Variants in PSMB7 observed in about 807,000 individuals in gnomAD.
PSMB7 encodes proteasome 20S subunit beta 7.
A neutral mutation model predicts 28.1 loss-of-function variants in PSMB7; 5 were observed. The observed-to-expected ratio is 0.18, with a 90% confidence interval of 0.09 to 0.37. The LOEUF (loss-of-function observed/expected upper bound fraction) is 0.37, where lower values mean the gene tolerates loss of function less well. Ranked by LOEUF, PSMB7 falls within the 10% of genes least tolerant of loss-of-function variation. PSMB7 has a pLI of 1.00. For missense variants in PSMB7, 275 were observed against 346.2 expected (o/e 0.79, Z 1.63); for synonymous variants, 122 against 123.7 (o/e 0.99, Z 0.09).
chr9:124,387,890 A>T (rs951259240), intron 5 of PSMB7, among the ~76,000 whole-genome samples: 1 of 140,600 alleles, frequency 7.1e-6, no homozygotes, highest in Non-Finnish European at 1.6e-5. Flanking sequence ...TTGGCCATTT[A>T]AAAAAAAAAA....
intron 5 of PSMB7, among the ~76,000 whole-genome samples, chr9:124,403,928 G>A (rs901357452): frequency 2.2e-5 from 3 of 134,392 alleles, no homozygotes; most frequent in African/African-American, 8.4e-5. Context: ...GTCTCACTCT[G>A]TTGCCCAAGA....
intron 6 of PSMB7, among the ~76,000 whole-genome samples, chr9:124,360,437 C>T (rs748014483): frequency 6.6e-6 from 1 of 152,236 alleles, no homozygotes; most frequent in Admixed American, 6.5e-5. Context: ...AAGGGCTCTG[C>T]AGAGCCCATG....
At chr9:124,390,473 A>T (rs1830772998) in intron 5 of PSMB7, among the ~76,000 whole-genome samples, 1 of 152,240 alleles carries the variant, frequency 6.6e-6, no homozygotes, top group Admixed American at 6.5e-5. Context: ...GAGCCAGGGA[A>T]AATAAACAAT....
intron 7 of PSMB7, among the ~76,000 whole-genome samples, 158 bp from the exon 8 acceptor site, chr9:124,353,867 T>A (rs1830364689): frequency 6.6e-6 from 1 of 152,186 alleles, no homozygotes; most frequent in Non-Finnish European, 1.5e-5. Flanking sequence ...GGATTCAACT[T>A]CCTCAGTTCT....
chr9:124,369,916 C>T (rs1830545046), intron 6 of PSMB7, among the ~76,000 whole-genome samples: 1 of 152,228 alleles, frequency 6.6e-6, no homozygotes, highest in African/African-American at 2.4e-5. Flanking sequence ...CCGTTCTCGA[C>T]TTTTCATGAC....
chr9:124,362,518 T>C (rs1830472665), intron 6 of PSMB7, among the ~76,000 whole-genome samples: 2 of 152,224 alleles, frequency 1.3e-5, no homozygotes, highest in South Asian at 4.1e-4. Context: ...TTAGTTCCAT[T>C]AGTTCACAAC....
chr9:124,363,481 G>C (rs1464261552), intron 6 of PSMB7, among the ~76,000 whole-genome samples: 1 of 152,242 alleles, frequency 6.6e-6, no homozygotes, highest in Admixed American at 6.5e-5. Flanking sequence ...TTTTACGGTA[G>C]AAAACTTTTT....
At chr9:124,355,014 C>A (rs956750849) in intron 7 of PSMB7, among the ~76,000 whole-genome samples, 8 of 152,258 alleles carry the variant, frequency 5.3e-5, no homozygotes, top group Non-Finnish European at 1.0e-4. Flanking sequence ...GCAAGGCCCA[C>A]TGGCGCATGG....
At chr9:124,406,853 T>C (rs1830971055) in intron 4 of PSMB7, among the ~76,000 whole-genome samples, 1 of 151,996 alleles carries the variant, frequency 6.6e-6, no homozygotes, top group Non-Finnish European at 1.5e-5. Flanking sequence ...CTTTTTAACA[T>C]TAGGAGGCCA....
At chr9:124,376,237 A>C (rs1229648287) in intron 6 of PSMB7, among the ~76,000 whole-genome samples, 1 of 152,152 alleles carries the variant, frequency 6.6e-6, no homozygotes, top group Non-Finnish European at 1.5e-5. Context: ...TCTTGGTCTC[A>C]TTACTAAATC....
chr9:124,366,776 T>C (rs1363471161), intron 6 of PSMB7, among the ~76,000 whole-genome samples: 1 of 152,262 alleles, frequency 6.6e-6, no homozygotes, highest in African/African-American at 2.4e-5. Flanking sequence ...TCTCCATTTA[T>C]ATGTTTAGAT....
chr9:124,379,452 A>C (rs781345214), intron 6 of PSMB7, among the ~76,000 whole-genome samples: 19 of 152,220 alleles, frequency 1.2e-4, no homozygotes, highest in Non-Finnish European at 2.1e-4. Context: ...AACAAACAAA[A>C]AAATGAAAAT....
intron 5 of PSMB7, among the ~76,000 whole-genome samples, chr9:124,403,629 G>A (rs1393878843): frequency 6.6e-6 from 1 of 152,192 alleles, no homozygotes; most frequent in Non-Finnish European, 1.5e-5. Flanking sequence ...TTACAGGCCA[G>A]GCATTGGAGC....
At chr9:124,369,396 G>GT (rs757639698) in intron 6 of PSMB7, among the ~76,000 whole-genome samples, 13 of 152,254 alleles carry the variant, frequency 8.5e-5, no homozygotes, top group Non-Finnish European at 1.9e-4. Context: ...AACACACTAA[G>GT]TACCAGCATC....
At chr9:124,395,314 G>A (rs571924235) in intron 5 of PSMB7, among the ~76,000 whole-genome samples, 39 of 151,380 alleles carry the variant, frequency 2.6e-4, no homozygotes, top group African/African-American at 8.0e-4. Context: ...GTGAGACCCC[G>A]TCTCTACCAA....
At chr9:124,374,105 T>G in intron 6 of PSMB7, among the ~76,000 whole-genome samples, 1 of 152,122 alleles carries the variant, frequency 6.6e-6, no homozygotes, top group Non-Finnish European at 1.5e-5. Flanking sequence ...ACGGGTGAAA[T>G]ATTACACAAA....
intron 5 of PSMB7, among the ~76,000 whole-genome samples, chr9:124,400,251 C>CGTTT: frequency 6.6e-6 from 1 of 152,332 alleles, no homozygotes; most frequent in East Asian, 1.9e-4. Context: ...ATCCCTCAGG[C>CGTTT]GTTTAAGTGT....
At chr9:124,407,273 G>T (rs907878313) in intron 4 of PSMB7, among the ~76,000 whole-genome samples, 1 of 152,214 alleles carries the variant, frequency 6.6e-6, no homozygotes, top group Non-Finnish European at 1.5e-5. Context: ...CAGAACAGTG[G>T]TCCAATACTT....
chr9:124,378,389 C>G (rs1306425995), intron 6 of PSMB7, among the ~76,000 whole-genome samples: 2 of 152,108 alleles, frequency 1.3e-5, no homozygotes, highest in African/African-American at 2.4e-5. Flanking sequence ...GGGAAAAAAG[C>G]TGATTGTCTT....
Sources: allele counts gnomAD v4.1 joint callset (sites outside exome capture counted in the v4.1 genomes callset), GRCh38; gene constraint gnomAD v4.1.1; transcripts MANE v1.5; gene names NCBI Gene and HGNC (gene_info 2026-07-23, HGNC 2026-07-21).